Variants in DISC1 observed in about 807,000 individuals in gnomAD.
The protein encoded by DISC1 is DISC1 scaffold protein, also known as disrupted in schizophrenia 1 protein.
A neutral mutation model predicts 84.5 loss-of-function variants in DISC1; 57 were observed. That is an observed-to-expected ratio of 0.67 (90% CI 0.55 to 0.84). The LOEUF (loss-of-function observed/expected upper bound fraction) is 0.84. DISC1 is among the 40% of genes least tolerant of loss of function. The pLI, the probability that DISC1 is intolerant of heterozygous loss-of-function variation, is 0.00. For missense variants in DISC1, 1,000 were observed against 1,057.8 expected, an observed-to-expected ratio of 0.95 and a Z score of 0.76; for synonymous variants, 411 against 415.2, an observed-to-expected ratio of 0.99 and a Z score of 0.12.
At chr1:231,959,112 A>G (rs2102757252) in intron 10 of DISC1, 2 of 1,271,238 alleles carry the variant, frequency 1.6e-6, no homozygotes, top group South Asian at 4.4e-5. Flanking sequence ...AGTGTCTTGG[A>G]GAGATCACAG....
At chr1:231,902,730 A>T (rs2088287163) in intron 9 of DISC1, among the ~76,000 whole-genome samples, 1 of 152,202 alleles carries the variant, frequency 6.6e-6, no homozygotes, top group Non-Finnish European at 1.5e-5. Context: ...GAGCGGTCCT[A>T]GCTCCAGGTT....
At chr1:231,800,026 GAAATCTC>G in intron 7 of DISC1, 75 bp from the exon 8 acceptor site, 1 of 1,001,242 alleles carries the variant, frequency 1.0e-6, no homozygotes, top group Non-Finnish European at 1.5e-6. Context: ...TACAAACCCA[GAAATCTC>G]TGACCTGGCT....
chr1:231,861,693 G>C lies in DISC1; in HGVS notation c.1981+43176G>C, dbSNP rs547723043. Among the ~76,000 whole-genome samples, 5 of 152,194 alleles carry C rather than the reference G, an allele frequency of 3.3e-5. No homozygotes were observed. In the South Asian group the frequency reaches 1.0e-3, roughly 32 times the overall value. Reference sequence around the variant, plus strand: ...ATGATGCCATTCAATATCAAGGTCAGACCACAGCATGTACAAGAGGTTGCT... The same window carrying C: ...ATGATGCCATTCAATATCAAGGTCACACCACAGCATGTACAAGAGGTTGCT... On this transcript the variant is annotated intron_variant, in intron 9 of 12. Transcript: ENST00000439617.
chr1:231,680,115 C>T (rs2063543529), intron 1 of DISC1, among the ~76,000 whole-genome samples: 1 of 152,162 alleles, frequency 6.6e-6, no homozygotes, highest in African/African-American at 2.4e-5. Context: ...GTAATCCCAG[C>T]TACTTGGGAG....
intron 3 of DISC1, among the ~76,000 whole-genome samples, chr1:231,706,039 A>G (rs898903165): frequency 6.6e-6 from 1 of 152,176 alleles, no homozygotes; most frequent in Non-Finnish European, 1.5e-5. Context: ...TTATCTCATC[A>G]AAGTGCTGGC....
chr1:231,977,385 C>T (rs754888536), intron 10 of DISC1, among the ~76,000 whole-genome samples: 7 of 152,196 alleles, frequency 4.6e-5, no homozygotes, highest in Non-Finnish European at 1.5e-5. Flanking sequence ...AATCCATTTG[C>T]TTGCCTTTTT....
chr1:231,801,043 TATA>T (rs1185459844), intron 8 of DISC1, among the ~76,000 whole-genome samples: 2 of 152,058 alleles, frequency 1.3e-5, no homozygotes, highest in African/African-American at 4.8e-5. Context: ...AACAAAAAGT[TATA>T]ATAATTACAT....
chr1:231,693,772 G>A, intron 1 of DISC1, 54 bp from the exon 2 acceptor site: 1 of 1,610,476 alleles, frequency 6.2e-7, no homozygotes, highest in South Asian at 1.1e-5. Flanking sequence ...TGCAGTTCCA[G>A]CTGGGCCAGT....
intron 8 of DISC1, chr1:231,813,188 C>T (rs2080497956): frequency 6.6e-6 from 1 of 152,186 alleles, no homozygotes; most frequent in Non-Finnish European, 1.5e-5. Flanking sequence ...ATAGTCTCTT[C>T]CAATCTGCTT....
At chr1:231,945,215 A>T (rs141684864) in intron 9 of DISC1, 2 of 152,214 alleles carry the variant, frequency 1.3e-5, no homozygotes, top group Admixed American at 1.3e-4. Flanking sequence ...ATTGGAAGTT[A>T]AACACTCCTC....
intron 9 of DISC1, among the ~76,000 whole-genome samples, chr1:231,825,236 T>C (rs1294215412): frequency 6.6e-6 from 1 of 151,830 alleles, no homozygotes; most frequent in Admixed American, 6.5e-5. Flanking sequence ...ACTTACCCCC[T>C]GGGTGGAAAT....
At chr1:231,991,613 A>G (rs1665211443) in intron 10 of DISC1, among the ~76,000 whole-genome samples, 3 of 152,224 alleles carry the variant, frequency 2.0e-5, no homozygotes, top group Admixed American at 2.0e-4. Context: ...CAAAGAGGGA[A>G]TGTTTAGCAC....
At position 231,889,371 on chromosome 1, in the gene DISC1, G is replaced by A. The variant is rs571523541; in HGVS notation, c.1982-69457G>A. ...TGGCTTCAGAGAAACATCAAATTGA[G>A]AGGAAGATCGAGTGATAGGAAAACT... On this transcript the variant is annotated intron_variant, in intron 9 of 12. Coordinates refer to ENST00000439617, the MANE Select transcript of DISC1 (RefSeq NM_018662.3). Among the ~76,000 whole-genome samples the A allele has an allele frequency of 1.0e-3, 152 of 152,300 alleles. 1 individual carries two copies. The highest frequency in any genetic ancestry group is 3.6e-3 in the African/African-American group (150 of 41,570).
intron 11 of DISC1, among the ~76,000 whole-genome samples, chr1:232,024,976 C>G (rs1340311237): frequency 1.3e-5 from 2 of 152,172 alleles, no homozygotes; most frequent in Non-Finnish European, 2.9e-5. Flanking sequence ...ATTCTGAGCT[C>G]ATTTCTTGCT....
chr1:231,994,952 G>A (rs137966116), intron 10 of DISC1, among the ~76,000 whole-genome samples: 143 of 152,218 alleles, frequency 9.4e-4, no homozygotes, highest in African/African-American at 3.2e-3. Context: ...AAGAAAGAGA[G>A]GGTAGTTTCA....
chr1:231,955,541 G>A lies in DISC1; in HGVS notation c.1982-3287G>A, dbSNP rs553422539. 7.3e-5 allele frequency among the ~76,000 whole-genome samples: 11 copies of A among 150,020 alleles called. No homozygotes were observed. The South Asian group carries it at 2.3e-3, about 32-fold the overall frequency. On this transcript the variant is annotated intron_variant, in intron 9 of 12. Coordinates refer to ENST00000439617, the MANE Select transcript of DISC1 (RefSeq NM_018662.3). Reference sequence around the variant, plus strand: ...TTTGCTTTTTGTTGCCCAGGCTGGAGTGCAGTGGCACGATCTCGGCTCACT... The same window carrying A: ...TTTGCTTTTTGTTGCCCAGGCTGGAATGCAGTGGCACGATCTCGGCTCACT...
intron 1 of DISC1, among the ~76,000 whole-genome samples, chr1:231,688,210 A>G (rs1001785027): frequency 2.0e-5 from 3 of 152,086 alleles, no homozygotes; most frequent in Non-Finnish European, 2.9e-5. Flanking sequence ...TGGTGCTTGT[A>G]TGAGTATGTA....
intron 8 of DISC1, 44 bp downstream of exon 8, chr1:231,800,254 A>C: frequency 7.0e-7 from 1 of 1,423,136 alleles, no homozygotes; most frequent in Non-Finnish European, 9.9e-7. Flanking sequence ...CAACTAAAAT[A>C]ATGACAGCTA....
chr1:231,967,014 T>C lies in DISC1; in HGVS notation c.2042+8126T>C, dbSNP rs548522721. On this transcript the variant is annotated intron_variant, in intron 10 of 12. Coordinates refer to ENST00000439617, the MANE Select transcript of DISC1 (RefSeq NM_018662.3). The stretch of plus-strand genomic sequence containing the variant: ...AAGAACTCAATGGTCTTATCTGAAA[T>C]TTGCTTTGAAATTTAGAGATTGATG... Among the ~76,000 whole-genome samples the C allele has an allele frequency of 2.6e-5, 4 of 152,362 alleles. No homozygotes were observed. In the East Asian group the frequency reaches 7.7e-4, roughly 29 times the overall value.
Sources: gnomAD v4.1 joint callset for allele counts (sites outside exome capture counted in the v4.1 genomes callset) on GRCh38, gnomAD v4.1.1 for gene constraint, MANE v1.5 for transcripts, NCBI Gene and HGNC (gene_info 2026-07-23, HGNC 2026-07-21) for gene names.